The following SMAGP variants were observed in gnomAD, a reference collection of about 807,000 sequenced individuals.
SMAGP encodes small cell transmembrane and glycosylated protein.
In SMAGP, 7 loss-of-function variants were observed where a neutral mutation model predicts 10.1. The observed-to-expected ratio is 0.70, with a 90% confidence interval of 0.40 to 1.31. SMAGP has a LOEUF of 1.31. SMAGP is among the 50% of genes most tolerant of loss of function. The pLI is 0.01. For missense variants in SMAGP, 113 were observed against 116.5 expected (o/e 0.97, Z 0.14); for synonymous variants, 49 against 47.2 (o/e 1.04, Z -0.16).
intron 2 of SMAGP, among the ~76,000 whole-genome samples, chr12:51,257,101 G>A (rs1481861481): frequency 6.6e-6 from 1 of 152,198 alleles, no homozygotes; most frequent in Non-Finnish European, 1.5e-5. Flanking sequence ...GTAAAGGTGA[G>A]TAGAGAAAGG....
chr12:51,251,140 CT>C (rs142129895), intron 2 of SMAGP, among the ~76,000 whole-genome samples: 2,809 of 152,254 alleles, frequency 0.018, 75 homozygotes, highest in African/African-American at 0.065. Context: ...CAGTAACTTA[CT>C]TTGTACATTA....
At position 51,245,708 on chromosome 12, in the gene SMAGP, C is replaced by G; in HGVS notation, c.*233G>C. ...ATAGCCACATCTTGTTGGCCAGTCA[C>G]AAACACCAGCTCTAGTAAGAGGGCC... On this transcript the variant is annotated 3_prime_UTR_variant, in exon 4 of 4. Transcript: ENST00000603798. The G allele has an allele frequency of 2.1e-6, 1 of 477,502 alleles. No individual in the cohort carries two copies. Among genetic ancestry groups the G allele is most frequent in the Non-Finnish European group, 3.8e-6 (1 of 265,510 alleles). The allele number at this position is 477,502 out of a possible 1,614,324, so 29.6% of individuals were successfully genotyped here.
chr12:51,260,962 A>G (rs1045076531), intron 2 of SMAGP, among the ~76,000 whole-genome samples: 1 of 150,958 alleles, frequency 6.6e-6, no homozygotes, highest in Non-Finnish European at 1.5e-5. Flanking sequence ...CTGGGATTAC[A>G]GTATTTTTAG....
At chr12:51,252,684 C>CCCCA (rs901869300) in intron 2 of SMAGP, among the ~76,000 whole-genome samples, 28 of 151,220 alleles carry the variant, frequency 1.9e-4, no homozygotes, top group African/African-American at 6.6e-4. Context: ...AGCCACATCG[C>CCCCA]CCCCCGAAGG....
chr12:51,245,939 C>A lies in SMAGP; in HGVS notation c.*2G>T. On this transcript the variant is annotated 3_prime_UTR_variant, in exon 4 of 4. Coordinates refer to ENST00000603798, the MANE Select transcript of SMAGP (RefSeq NM_001031628.2). ...AATAAGCTCCTTGGGGCCTGGGAGTCATTAGATGAAATATTCCTCTTTCTC... is the reference window on the plus strand; with the variant it reads ...AATAAGCTCCTTGGGGCCTGGGAGTAATTAGATGAAATATTCCTCTTTCTC... The A allele has an allele frequency of 6.2e-7, 1 of 1,612,026 alleles. No individual in the cohort carries two copies. Among genetic ancestry groups the A allele is most frequent in the Non-Finnish European group, 8.5e-7 (1 of 1,178,626 alleles).
At chr12:51,265,521 T>C (rs1470289438) in intron 2 of SMAGP, among the ~76,000 whole-genome samples, 3 of 152,204 alleles carry the variant, frequency 2.0e-5, no homozygotes, top group Non-Finnish European at 4.4e-5. Flanking sequence ...CATACAACAA[T>C]ATTATTCAGC....
At chr12:51,267,469 C>T (rs1436777230) in intron 2 of SMAGP, among the ~76,000 whole-genome samples, 1 of 143,806 alleles carries the variant, frequency 7.0e-6, no homozygotes, top group Admixed American at 6.9e-5. Flanking sequence ...GACCTATTCC[C>T]CCCCCCCACT....
At chr12:51,258,485 G>A (rs1944904723) in intron 2 of SMAGP, among the ~76,000 whole-genome samples, 1 of 151,960 alleles carries the variant, frequency 6.6e-6, no homozygotes, top group Non-Finnish European at 1.5e-5. Flanking sequence ...AGCTACTACT[G>A]GGAGGCTGAG....
chr12:51,269,933 C>T (rs1413507252), intron 1 of SMAGP: 1 of 152,080 alleles, frequency 6.6e-6, no homozygotes, highest in Non-Finnish European at 1.5e-5. Context: ...GGGCCCCAGC[C>T]CGCGCCCCGC....
intron 3 of SMAGP, chr12:51,246,493 C>T: frequency 2.2e-6 from 1 of 446,086 alleles, no homozygotes; most frequent in Non-Finnish European, 4.0e-6. Flanking sequence ...ATATCCTCGT[C>T]CCTACCCACG....
intron 2 of SMAGP, 122 bp downstream of exon 2, chr12:51,269,123 G>A: frequency 9.4e-7 from 1 of 1,062,246 alleles, no homozygotes; most frequent in East Asian, 2.4e-5. Context: ...GGCCCTTCCT[G>A]TGTGAGGCAG....
intron 2 of SMAGP, among the ~76,000 whole-genome samples, chr12:51,257,964 C>T (rs1227322740): frequency 6.6e-6 from 1 of 151,880 alleles, no homozygotes; most frequent in Non-Finnish European, 1.5e-5. Context: ...AGGCTGAGAG[C>T]AACATAGTGA....
rs563804357 is a variant in SMAGP, at chr12:51,256,007, G to C, written c.35-9176C>G. Reference sequence around the variant, plus strand: ...GCTGGTCTTGAACTCCTAACCTCAAGTGATCTGCCCACCTTGGCCTCCCAA... The same window carrying C: ...GCTGGTCTTGAACTCCTAACCTCAACTGATCTGCCCACCTTGGCCTCCCAA... On this transcript the variant is annotated intron_variant, in intron 2 of 3. Transcript: ENST00000603798. Among the ~76,000 whole-genome samples, 4 of 152,182 alleles carry C rather than the reference G, an allele frequency of 2.6e-5. No individual in the cohort carries two copies. The East Asian group carries it at 7.7e-4, about 29-fold the overall frequency.
Position 51,246,028 on chromosome 12 carries a change from A to G in SMAGP, c.207T>C (p.Tyr69=). Residue 69 remains tyrosine (Y), a synonymous_variant, in exon 4 of 4, where the codon TAT becomes TAC. Coordinates refer to ENST00000603798, the MANE Select transcript of SMAGP (RefSeq NM_001031628.2). The part of the protein sequence containing the change: ...LYKNKGSYVT[Y]EPTEGEPSAI... ...CACTGGGCTCACCTTCTGTAGGTTC[A>G]TAGGTGACGTAGCTGCCTTTGTTCT... is the stretch of plus-strand genomic sequence containing the variant. 6.2e-7 allele frequency: 1 copy of G among 1,613,978 alleles called. No individual in the cohort carries two copies. The highest frequency in any genetic ancestry group is 8.5e-7 in the Non-Finnish European group (1 of 1,179,886).
chr12:51,245,670 G>T lies in SMAGP; in HGVS notation c.*271C>A, dbSNP rs1217735971. ...AAAAAGATGACTGGGCACATACTCAGATGTCCCCTGGCATAGCCACATCTT... is the reference window on the plus strand; with the variant it reads ...AAAAAGATGACTGGGCACATACTCATATGTCCCCTGGCATAGCCACATCTT... On this transcript the variant is annotated 3_prime_UTR_variant, in exon 4 of 4. Coordinates refer to ENST00000603798, the MANE Select transcript of SMAGP (RefSeq NM_001031628.2). The T allele has an allele frequency of 1.2e-5, 5 of 404,070 alleles. No individual in the cohort carries two copies. Among genetic ancestry groups the T allele is most frequent in the Non-Finnish European group, 1.4e-5 (3 of 220,828 alleles). 25.0% of individuals were successfully genotyped at this position (404,070 alleles called of 1,614,324 possible). A position where few individuals can be genotyped will look rare whatever the true frequency, so the allele number is the denominator to read the frequency against.
In SMAGP at chr12:51,248,127, T is replaced by C. The variant is rs556973552; in HGVS notation, c.35-1296A>G. Among the ~76,000 whole-genome samples the C allele has an allele frequency of 3.8e-3, 572 of 152,072 alleles. 4 individuals are homozygous for C. The highest frequency in any genetic ancestry group is 0.013 in the African/African-American group (537 of 41,492). ...CCGTCCAGTGCCTGACACGTTCAGG[T>C]TTCCATCCACAGCAAGTGAAATGAG... On this transcript the variant is annotated intron_variant, in intron 2 of 3. Transcript: ENST00000603798.
chr12:51,250,500 G>GTTTTTTTTTTTTTTTT (rs373705718), intron 2 of SMAGP, among the ~76,000 whole-genome samples: 1 of 88,016 alleles, frequency 1.1e-5, no homozygotes. Flanking sequence ...TTGTTGTTGT[G>GTTTTTTTTTTTTTTTT]TTTTTTTTTT....
At chr12:51,251,593 A>G (rs886539695) in intron 2 of SMAGP, 4 of 123,782 alleles carry the variant, frequency 3.2e-5, no homozygotes, top group South Asian at 2.5e-4. Flanking sequence ...CCTGTTTCAG[A>G]AAAAAAAAAA....
intron 2 of SMAGP, among the ~76,000 whole-genome samples, chr12:51,257,476 G>A (rs936791093): frequency 7.9e-5 from 12 of 151,544 alleles, no homozygotes; most frequent in Non-Finnish European, 1.0e-4. Flanking sequence ...TTGAGAGGCC[G>A]AGTGGGGAGA....
Sources: gnomAD v4.1 joint callset for allele counts (sites outside exome capture counted in the v4.1 genomes callset) on GRCh38, gnomAD v4.1.1 for gene constraint, MANE v1.5 for transcripts, NCBI Gene and HGNC (gene_info 2026-07-23, HGNC 2026-07-21) for gene names.